The following IQCB1 variants were observed in gnomAD, a reference collection of about 807,000 sequenced individuals.
The protein encoded by IQCB1 is IQ calmodulin-binding motif-containing protein 1.
Under a neutral mutation model 84.4 loss-of-function variants are expected in IQCB1, and 56 were observed. The observed-to-expected ratio is 0.66, with a 90% CI of 0.54 to 0.83. The LOEUF (loss-of-function observed/expected upper bound fraction) is 0.83, where lower values mean the gene tolerates loss of function less well. Among genes scored for constraint, IQCB1 ranks in the 40% least tolerant of loss-of-function variants. The pLI is 0.00. For synonymous variants in IQCB1, 210 were observed against 234.8 expected (o/e 0.89, Z 0.96); for missense variants, 629 against 682.1 (o/e 0.92, Z 0.87).
intron 13 of IQCB1, among the ~76,000 whole-genome samples, chr3:121,779,318 A>T (rs760890207): frequency 4.6e-5 from 7 of 152,026 alleles, no homozygotes; most frequent in Non-Finnish European, 8.8e-5. Context: ...GTCTTTTCAA[A>T]TATTTTTCTC....
intron 12 of IQCB1, among the ~76,000 whole-genome samples, chr3:121,784,252 A>C (rs1948622570): frequency 1.3e-5 from 2 of 150,328 alleles, no homozygotes; most frequent in Admixed American, 1.3e-4. Flanking sequence ...TCATATGTTG[A>C]CCAGGCTGGC....
chr3:121,827,613 G>T (rs35400004), intron 4 of IQCB1, among the ~76,000 whole-genome samples: 3,999 of 152,052 alleles, frequency 0.026, 82 homozygotes, highest in Non-Finnish European at 0.041. Flanking sequence ...GAAAATTAAA[G>T]TATGAAAAAG....
In IQCB1 at chr3:121,790,127, C is replaced by G; in HGVS notation, c.1075G>C (p.Ala359Pro). Residue 359 changes from alanine to proline, a missense_variant, in exon 11 of 15, where the codon GCC becomes CCC. Ala to Pro is a conservative substitution (Grantham distance 27, BLOSUM62 -1). Coordinates refer to ENST00000310864, the MANE Select transcript of IQCB1 (RefSeq NM_001023570.4). ...KLQLQLQRQRAMRLSRELQLS... is the reference protein window; with the variant it reads ...KLQLQLQRQRPMRLSRELQLS... ...TGCAATTCTCGGGAAAGTCTCATGG[C>G]TCTCTGTCTTTGAAGTTGCAATTGT... 2 of 1,613,598 alleles carry G rather than the reference C, an allele frequency of 1.2e-6. No homozygotes were observed. The highest frequency in any genetic ancestry group is 1.3e-5 in the African/African-American group (1 of 75,032).
intron 2 of IQCB1, among the ~76,000 whole-genome samples, chr3:121,831,509 C>T (rs1039853152): frequency 2.6e-5 from 4 of 152,128 alleles, no homozygotes; most frequent in Non-Finnish European, 4.4e-5. Context: ...GCTGGTCAGT[C>T]AGAAGCACAG....
At chr3:121,826,849 G>A (rs533374121) in intron 4 of IQCB1, among the ~76,000 whole-genome samples, 1 of 152,184 alleles carries the variant, frequency 6.6e-6, no homozygotes, top group East Asian at 1.9e-4. Context: ...AGGTTTTTCT[G>A]TAAACTAACA....
At chr3:121,817,410 G>T (rs1950109571) in intron 5 of IQCB1, among the ~76,000 whole-genome samples, 1 of 149,338 alleles carries the variant, frequency 6.7e-6, no homozygotes, top group Non-Finnish European at 1.5e-5. Context: ...ATATATCCCA[G>T]AACTGAAAGT....
intron 13 of IQCB1, among the ~76,000 whole-genome samples, chr3:121,773,206 C>T (rs1948077748): frequency 1.3e-5 from 2 of 149,776 alleles, no homozygotes; most frequent in Admixed American, 6.7e-5. Context: ...CCCAGCTACT[C>T]GGGAGGCTGA....
At chr3:121,813,411 C>T (rs1166269265) in intron 5 of IQCB1, among the ~76,000 whole-genome samples, 1 of 152,162 alleles carries the variant, frequency 6.6e-6, no homozygotes, top group East Asian at 1.9e-4. Flanking sequence ...GGATCAAATT[C>T]ACACATAACA....
intron 13 of IQCB1, among the ~76,000 whole-genome samples, chr3:121,776,489 G>A (rs995208850): frequency 6.6e-5 from 10 of 152,194 alleles, no homozygotes; most frequent in Non-Finnish European, 1.3e-4. Flanking sequence ...TCTGCCACAT[G>A]CTTGCTAACC....
In IQCB1 at chr3:121,788,415, A is replaced by T; in HGVS notation, c.1147T>A (p.Tyr383Asn). Residue 383 changes from tyrosine (Y) to asparagine (N), a missense_variant, in exon 12 of 15, where the codon TAT becomes AAT. Tyr to Asn is a moderately radical substitution (Grantham distance 143). Transcript: ENST00000310864. ...GCTGATTTCTCTTCCATTTCCCGAT[A>T]GTGTTTCTCCACCTGACCTAAAAAG... ...IVHPGQVEKHYREMEEKSALI... is the reference protein window; with the variant it reads ...IVHPGQVEKHNREMEEKSALI... 1 of 1,613,728 alleles carries T rather than the reference A, an allele frequency of 6.2e-7. No homozygotes were observed. Among genetic ancestry groups the T allele is most frequent in the East Asian group, 2.2e-5 (1 of 44,852 alleles).
chr3:121,811,538 A>G (rs1405328944), intron 5 of IQCB1, among the ~76,000 whole-genome samples: 1 of 152,170 alleles, frequency 6.6e-6, no homozygotes, highest in Non-Finnish European at 1.5e-5. Flanking sequence ...CGCTCCCAGC[A>G]CAACAGTCTG....
rs202183160 is a variant in IQCB1, at chr3:121,805,273, T to TATC, written c.587+2068_587+2070dup. Reference sequence around the variant, plus strand: ...AGTCATGACTGTATAATCTATCATGTATCAGTACTGCAAGATACATGCAGT... The same window carrying TATC: ...AGTCATGACTGTATAATCTATCATGTATCATCAGTACTGCAAGATACATGCAGT... On this transcript the variant is annotated intron_variant, in intron 7 of 14. Transcript: ENST00000310864. Among the ~76,000 whole-genome samples, 3 of 152,198 alleles carry TATC rather than the reference T, an allele frequency of 2.0e-5. No homozygotes were observed. The East Asian group carries it at 5.8e-4, about 29-fold the overall frequency.
chr3:121,820,777 T>A (rs892417320), intron 5 of IQCB1, among the ~76,000 whole-genome samples: 3 of 152,038 alleles, frequency 2.0e-5, no homozygotes, highest in Non-Finnish European at 2.9e-5. Context: ...TTCTTACAAT[T>A]TTTTTCTTAA....
intron 5 of IQCB1, among the ~76,000 whole-genome samples, chr3:121,818,136 A>G (rs1187258491): frequency 1.3e-5 from 2 of 152,234 alleles, no homozygotes. Flanking sequence ...AACAGTTGTG[A>G]ATCTGCTCAA....
chr3:121,781,178 C>T (rs1001455626), intron 13 of IQCB1, among the ~76,000 whole-genome samples: 2 of 152,092 alleles, frequency 1.3e-5, no homozygotes, highest in African/African-American at 4.8e-5. Flanking sequence ...CCTTTGAAGA[C>T]ACATAGGAGT....
At chr3:121,785,906 C>T (rs762705927) in intron 12 of IQCB1, among the ~76,000 whole-genome samples, 1 of 151,622 alleles carries the variant, frequency 6.6e-6, no homozygotes, top group Admixed American at 6.6e-5. Flanking sequence ...CAGTGGCTCA[C>T]ATCTGTAATT....
intron 5 of IQCB1, among the ~76,000 whole-genome samples, chr3:121,813,259 A>G (rs1405020047): frequency 6.6e-6 from 1 of 152,236 alleles, no homozygotes; most frequent in Admixed American, 6.5e-5. Flanking sequence ...GCCTTACAAG[A>G]GTCCTGAAGG....
At chr3:121,784,516 A>T (rs1948631851) in intron 12 of IQCB1, among the ~76,000 whole-genome samples, 1 of 152,194 alleles carries the variant, frequency 6.6e-6, no homozygotes, top group South Asian at 2.1e-4. Context: ...ATAACAGATT[A>T]AAAAAATTTT....
At chr3:121,823,447 A>T (rs1410184334) in intron 5 of IQCB1, among the ~76,000 whole-genome samples, 1 of 152,204 alleles carries the variant, frequency 6.6e-6, no homozygotes. Context: ...AGAACATCTT[A>T]AAAAAGCCAA....
Sources: gnomAD v4.1 joint callset for allele counts (sites outside exome capture counted in the v4.1 genomes callset) on GRCh38, gnomAD v4.1.1 for gene constraint, MANE v1.5 for transcripts, NCBI Gene and HGNC (gene_info 2026-07-23, HGNC 2026-07-21) for gene names.